Variants in SRPK2 observed in about 807,000 individuals in gnomAD.
SRPK2 encodes the protein SRSF protein kinase 2.
In SRPK2, 21 loss-of-function variants were observed where a neutral mutation model predicts 90.8. The observed-to-expected ratio is 0.23, with a 90% CI of 0.16 to 0.33. The LOEUF (loss-of-function observed/expected upper bound fraction) is 0.33. Among genes scored for constraint, SRPK2 ranks in the 10% least tolerant of loss-of-function variants. The probability of loss-of-function intolerance (pLI) is 1.00; values close to 1 mark genes in which losing one functional copy is unlikely to be tolerated. For synonymous variants in SRPK2, 288 were observed against 311.1 expected (o/e 0.93, Z 0.78); for missense variants, 620 against 869.0 (o/e 0.71, Z 3.60).
At chr7:105,388,278 G>C (rs1821876460) in intron 2 of SRPK2, among the ~76,000 whole-genome samples, 1 of 151,678 alleles carries the variant, frequency 6.6e-6, no homozygotes, top group African/African-American at 2.4e-5. Context: ...GGAGCCCAGC[G>C]GCAGACGCCG....
At chr7:105,143,550 C>T (rs920550306) in intron 9 of SRPK2, 21 of 592,364 alleles carry the variant, frequency 3.5e-5, no homozygotes, top group Non-Finnish European at 5.3e-5. Flanking sequence ...CTACCAGGTC[C>T]TGCCCTCAGA....
chr7:105,149,256 T>C (rs567317297), intron 7 of SRPK2, among the ~76,000 whole-genome samples: 15 of 152,082 alleles, frequency 9.9e-5, no homozygotes, highest in South Asian at 2.1e-4. Context: ...TGGTGGGAGG[T>C]GAGACATGTT....
At chr7:105,389,413 C>G (rs969135720), upstream of SRPK2, 12 of 1,220,876 alleles carry the variant, frequency 9.8e-6, 1 homozygote, top group South Asian at 1.6e-4. Context: ...AAAGGGCACA[C>G]GACCAAAAGC....
At chr7:105,331,337 A>AAAAAAAAAAAAAAAAAAC (rs1554512429) in intron 2 of SRPK2, among the ~76,000 whole-genome samples, 4 of 141,828 alleles carry the variant, frequency 2.8e-5, no homozygotes, top group Admixed American at 7.0e-5. Context: ...AAAAAAAAAA[A>AAAAAAAAAAAAAAAAAAC]CAAATAGTTA....
At chr7:105,218,678 C>A (rs1797745451) in intron 2 of SRPK2, among the ~76,000 whole-genome samples, 1 of 152,166 alleles carries the variant, frequency 6.6e-6, no homozygotes, top group South Asian at 2.1e-4. Flanking sequence ...TCACCTACTA[C>A]AAGTGAAGTA....
At chr7:105,167,322 A>C (rs1376865187) in intron 6 of SRPK2, 55 bp downstream of exon 6, 1 of 1,456,144 alleles carries the variant, frequency 6.9e-7, no homozygotes, top group Non-Finnish European at 9.6e-7. Flanking sequence ...GGAGCTTGAA[A>C]TATTTTCATT....
chr7:105,236,544 G>A (rs560549091), intron 2 of SRPK2, among the ~76,000 whole-genome samples: 6 of 152,038 alleles, frequency 3.9e-5, no homozygotes, highest in Admixed American at 2.6e-4. Context: ...TTTTATTCCC[G>A]TTTTACAGAT....
intron 3 of SRPK2, among the ~76,000 whole-genome samples, chr7:105,184,756 A>G (rs1793355733): frequency 6.6e-6 from 1 of 152,202 alleles, no homozygotes; most frequent in African/African-American, 2.4e-5. Flanking sequence ...GTACTTCTCT[A>G]GTGTCTTCTG....
At chr7:105,286,650 C>G (rs1043702569) in intron 2 of SRPK2, among the ~76,000 whole-genome samples, 2 of 152,214 alleles carry the variant, frequency 1.3e-5, no homozygotes, top group South Asian at 4.1e-4. Flanking sequence ...TTCTGATGCA[C>G]AGCCAGTATT....
intron 3 of SRPK2, among the ~76,000 whole-genome samples, chr7:105,182,013 G>C (rs1032573601): frequency 6.6e-6 from 1 of 151,732 alleles, no homozygotes; most frequent in Non-Finnish European, 1.5e-5. Flanking sequence ...TGGATCACTT[G>C]AGGTCAGGAG....
chr7:105,255,950 C>A (rs1009962442), intron 2 of SRPK2, among the ~76,000 whole-genome samples: 2 of 150,278 alleles, frequency 1.3e-5, no homozygotes, highest in East Asian at 3.9e-4. Flanking sequence ...AGAGAGAGAG[C>A]GAGAACAAGA....
chr7:105,179,131 C>G (rs1403917272), intron 3 of SRPK2, among the ~76,000 whole-genome samples: 1 of 152,218 alleles, frequency 6.6e-6, no homozygotes, highest in Non-Finnish European at 1.5e-5. Context: ...CTAAAATGTT[C>G]ATGTCAAGGC....
At chr7:105,175,108 G>A (rs1791664777) in intron 3 of SRPK2, among the ~76,000 whole-genome samples, 1 of 151,160 alleles carries the variant, frequency 6.6e-6, no homozygotes, top group Non-Finnish European at 1.5e-5. Context: ...CCACTGCACT[G>A]CAGCCTGGGC....
chr7:105,389,409 C>T (rs760004672), upstream of SRPK2: 3 of 1,236,114 alleles, frequency 2.4e-6, no homozygotes, highest in Admixed American at 8.0e-5. Context: ...GTGGAAAGGG[C>T]ACACGACCAA....
At chr7:105,293,377 G>A (rs78768545) in intron 2 of SRPK2, among the ~76,000 whole-genome samples, 2,159 of 152,126 alleles carry the variant, frequency 0.014, 27 homozygotes, top group African/African-American at 0.036. Context: ...TACCACTCTA[G>A]AATTTGGCAA....
chr7:105,338,961 C>CA (rs1815431943), intron 2 of SRPK2, among the ~76,000 whole-genome samples: 1 of 151,924 alleles, frequency 6.6e-6, no homozygotes, highest in Non-Finnish European at 1.5e-5. Flanking sequence ...TACTACACAA[C>CA]AAAAAGGGAG....
At chr7:105,281,546 G>C (rs1196170116) in intron 2 of SRPK2, among the ~76,000 whole-genome samples, 1 of 152,102 alleles carries the variant, frequency 6.6e-6, no homozygotes, top group East Asian at 1.9e-4. Context: ...CTAGCTACGT[G>C]GAGACTGAGG....
At chr7:105,344,083 A>G (rs1816160191) in intron 2 of SRPK2, among the ~76,000 whole-genome samples, 1 of 151,942 alleles carries the variant, frequency 6.6e-6, no homozygotes. Flanking sequence ...ATATCATTCT[A>G]TTTTTTCAAA....
rs185522879 is a variant in SRPK2 at position 105,221,811 on chromosome 7, A to G, written c.72-18026T>C. Among the ~76,000 whole-genome samples the G allele has an allele frequency of 9.7e-4, 148 of 152,156 alleles. 1 individual carries two copies. Among genetic ancestry groups the G allele is most frequent in the African/African-American group, 3.5e-3 (144 of 41,524 alleles). On this transcript the variant is annotated intron_variant, in intron 2 of 15. Transcript: ENST00000393651. ...TTTTTCTGCTTGAAAAGTAGTATTT[A>G]TTTTTCTTCGGATTACCAAAATAAT...
Sources: gnomAD v4.1 joint callset for allele counts (sites outside exome capture counted in the v4.1 genomes callset) on GRCh38, gnomAD v4.1.1 for gene constraint, MANE v1.5 for transcripts, NCBI Gene and HGNC (gene_info 2026-07-23, HGNC 2026-07-21) for gene names.